The following DAB2IP variants were observed in gnomAD, a reference collection of about 807,000 sequenced individuals.
DAB2IP encodes DAB2 interacting protein, also known as disabled homolog 2-interacting protein.
A neutral mutation model predicts 107.2 loss-of-function variants in DAB2IP; 28 were observed. That is an observed-to-expected ratio of 0.26 (90% confidence interval 0.19 to 0.36). The LOEUF (loss-of-function observed/expected upper bound fraction) is 0.36, where lower values mean the gene tolerates loss of function less well. Ranked by LOEUF, DAB2IP falls within the 10% of genes least tolerant of loss-of-function variation. The probability of loss-of-function intolerance (pLI) is 1.00; values close to 1 mark genes in which losing one functional copy is unlikely to be tolerated. For missense variants in DAB2IP, 1,400 were observed against 1,644.7 expected, an observed-to-expected ratio of 0.85 and a Z score of 2.57; for synonymous variants, 755 against 706.4, an observed-to-expected ratio of 1.07 and a Z score of -1.09.
At chr9:121,695,800 T>A (rs1467162674) in intron 2 of DAB2IP, among the ~76,000 whole-genome samples, 2 of 152,252 alleles carry the variant, frequency 1.3e-5, no homozygotes, top group African/African-American at 2.4e-5. Flanking sequence ...GAATTGCACA[T>A]GGCTTTTGTT....
intron 1 of DAB2IP, among the ~76,000 whole-genome samples, chr9:121,658,530 A>G: frequency 6.6e-6 from 1 of 152,124 alleles, no homozygotes; most frequent in Admixed American, 6.5e-5. Flanking sequence ...GAGGCATTTC[A>G]GCGTTTGTTC....
At position 121,634,116 on chromosome 9, in the gene DAB2IP, G is replaced by T. The variant is rs1392390574; in HGVS notation, c.41-44562G>T. Among the ~76,000 whole-genome samples the T allele has an allele frequency of 1.3e-5, 2 of 152,122 alleles. No homozygotes were observed. Among genetic ancestry groups the T allele is most frequent in the Non-Finnish European group, 2.9e-5 (2 of 68,036 alleles). ...GTCAGAGCCCTCTCAGGACACAAAG[G>T]GACACAGTTCTTGAAGGGTCCTCCA... On this transcript the variant is annotated intron_variant, in intron 1 of 16. Transcript: ENST00000259371. The surrounding 1 kb of genome is among the most constrained non-coding windows in gnomAD (Gnocchi z 4.7).
intron 3 of DAB2IP, among the ~76,000 whole-genome samples, chr9:121,728,407 A>G (rs1831349260): frequency 6.6e-6 from 1 of 152,194 alleles, no homozygotes; most frequent in African/African-American, 2.4e-5. Flanking sequence ...TCCAAGTTTG[A>G]GTCCCGTTCC....
intron 1 of DAB2IP, among the ~76,000 whole-genome samples, chr9:121,572,452 G>T (rs1184307341): frequency 6.6e-6 from 1 of 152,202 alleles, no homozygotes; most frequent in Non-Finnish European, 1.5e-5. Flanking sequence ...GTGAATTAAT[G>T]AGTGGCATGA....
rs941385417 is a variant in DAB2IP, at chr9:121,626,715, C to T, written c.41-51963C>T. 5.9e-5 allele frequency among the ~76,000 whole-genome samples: 9 copies of T among 152,204 alleles called. No individual in the cohort carries two copies. The South Asian group carries it at 1.5e-3, about 25-fold the overall frequency. On this transcript the variant is annotated intron_variant, in intron 1 of 16. Coordinates refer to the DAB2IP transcript ENST00000259371. The stretch of plus-strand genomic sequence containing the variant: ...CTGGGATTACAGGTGTGAGCCACCG[C>T]GCCCAGCCAGAAGAGAAACCTTGAC...
At position 121,635,055 on chromosome 9, in the gene DAB2IP, C is replaced by T. The variant is rs1035961797; in HGVS notation, c.41-43623C>T. ...GCGCGTGCGTGTGTATGTGTGTGTG[C>T]ATGTGCGTGTATGTCTATGTGCGAA... On this transcript the variant is annotated intron_variant, in intron 1 of 16. Coordinates refer to the DAB2IP transcript ENST00000259371. The surrounding 1 kb of genome is among the most constrained non-coding windows in gnomAD (Gnocchi z 4.3). 1.3e-5 allele frequency among the ~76,000 whole-genome samples: 2 copies of T among 152,062 alleles called. No individual in the cohort carries two copies. Among genetic ancestry groups the T allele is most frequent in the Non-Finnish European group, 2.9e-5 (2 of 68,018 alleles).
chr9:121,570,748 A>G lies in DAB2IP; in HGVS notation c.40+3520A>G, dbSNP rs190303803. Among the ~76,000 whole-genome samples the G allele has an allele frequency of 1.9e-4, 29 of 152,084 alleles. No homozygotes were observed. In the East Asian group the frequency reaches 4.9e-3, roughly 25 times the overall value. On this transcript the variant is annotated intron_variant, in intron 1 of 16. Transcript: ENST00000259371. ...TTTTTTGTAGAGACAGGGTTTGCCC[A>G]CGTTGCCCAGGCTGGTCTCAAACTC...
At chr9:121,601,302 C>A (rs979034123) in intron 1 of DAB2IP, among the ~76,000 whole-genome samples, 1 of 152,172 alleles carries the variant, frequency 6.6e-6, no homozygotes, top group African/African-American at 2.4e-5. Flanking sequence ...CCCTCCTATC[C>A]CCGCATTCTT....
At chr9:121,708,549 G>T (rs1311911549) in intron 3 of DAB2IP, among the ~76,000 whole-genome samples, 1 of 152,182 alleles carries the variant, frequency 6.6e-6, no homozygotes, top group African/African-American at 2.4e-5. Flanking sequence ...GGTGGGTGAC[G>T]CTCAGAGAGG....
At chr9:121,624,098 C>T (rs1309153941) in intron 1 of DAB2IP, among the ~76,000 whole-genome samples, 1 of 152,256 alleles carries the variant, frequency 6.6e-6, no homozygotes, top group Non-Finnish European at 1.5e-5. Context: ...ATTCACTCCT[C>T]TCCTAGTGCC....
At position 121,633,226 on chromosome 9, in the gene DAB2IP, A is replaced by G. The variant is rs1831958363; in HGVS notation, c.41-45452A>G. 6.6e-6 allele frequency among the ~76,000 whole-genome samples: 1 copy of G among 152,186 alleles called. No homozygotes were observed. ...GAAGGTTTGACATGAACAATACAAT[A>G]AACGCAGCTTCTAAATTGGGTCAGG... On this transcript the variant is annotated intron_variant, in intron 1 of 16. Coordinates refer to the DAB2IP transcript ENST00000259371. This position sits in a 1 kb window ranked among gnomAD's most constrained non-coding sequence, Gnocchi z 5.1.
chr9:121,695,509 C>T (rs888668928), intron 2 of DAB2IP, among the ~76,000 whole-genome samples: 1 of 152,202 alleles, frequency 6.6e-6, no homozygotes, highest in Non-Finnish European at 1.5e-5. Context: ...GTCCAGTAAT[C>T]GGCCCACAGC....
rs183388383 is a variant in DAB2IP at position 121,723,530 on chromosome 9, G to T, written c.362+24072G>T. On this transcript the variant is annotated intron_variant, in intron 3 of 15. Coordinates refer to ENST00000408936, the Ensembl canonical transcript of DAB2IP. ...AGGGAGGAGTGTGGTCTGGGCTCAG[G>T]GGAGCCCTGGAGGAAGTGGATTGTA... Among the ~76,000 whole-genome samples the T allele has an allele frequency of 1.8e-4, 28 of 152,356 alleles. No homozygotes were observed. In the East Asian group the frequency reaches 5.4e-3, roughly 29 times the overall value.
chr9:121,766,352 G>C, intron 8 of DAB2IP, 142 bp from the exon 9 acceptor site: 2 of 731,574 alleles, frequency 2.7e-6, no homozygotes, highest in Non-Finnish European at 4.5e-6. Flanking sequence ...AGATGGCTGT[G>C]TCCTCAGAGC....
chr9:121,736,436 A>G lies in DAB2IP; in HGVS notation c.363-20577A>G, dbSNP rs1235189831. ...CGCGTCCCGCCCGCCCGGCGTGCCG[A>G]AGCGCAGCGGCGGGTCGCTAGCGGG... On this transcript the variant is annotated intron_variant, in intron 3 of 15. Transcript: ENST00000408936. The surrounding 1 kb of genome is among the most constrained non-coding windows in gnomAD (Gnocchi z 4.6). Among the ~76,000 whole-genome samples the G allele has an allele frequency of 1.3e-5, 2 of 152,088 alleles. No homozygotes were observed. The highest frequency in any genetic ancestry group is 2.9e-5 in the Non-Finnish European group (2 of 67,996).
At position 121,702,085 on chromosome 9, in the gene DAB2IP, C is replaced by T. The variant is rs1360129762; in HGVS notation, c.362+2627C>T. Among the ~76,000 whole-genome samples the T allele has an allele frequency of 6.6e-6, 1 of 151,812 alleles. No individual in the cohort carries two copies. The highest frequency in any genetic ancestry group is 2.4e-5 in the African/African-American group (1 of 41,296). On this transcript the variant is annotated intron_variant, in intron 3 of 15. Transcript: ENST00000408936. The surrounding 1 kb of genome is among the most constrained non-coding windows in gnomAD (Gnocchi z 4.5). ...CCGTGTAGATGAGCGGCACAGGGCA[C>T]TCTGGGGCGGCCACTTGAGTTCTGA...
At chr9:121,678,316 A>T (rs1828385727) in intron 1 of DAB2IP, among the ~76,000 whole-genome samples, 1 of 152,204 alleles carries the variant, frequency 6.6e-6, no homozygotes, top group South Asian at 2.1e-4. Flanking sequence ...CTTAAATCAG[A>T]ACTTCATTCC....
intron 1 of DAB2IP, among the ~76,000 whole-genome samples, chr9:121,621,736 A>G (rs1001131830): frequency 6.6e-6 from 1 of 150,508 alleles, no homozygotes; most frequent in African/African-American, 2.4e-5. Context: ...CCCAGGTTCA[A>G]GCATTTTTCA....
chr9:121,613,180 G>C (rs988635227), intron 1 of DAB2IP, among the ~76,000 whole-genome samples: 8 of 152,188 alleles, frequency 5.3e-5, no homozygotes, highest in African/African-American at 1.9e-4. Flanking sequence ...TTGAGGCTTC[G>C]GTGAGGTAAT....
Sources: gnomAD v4.1 joint callset for allele counts (sites outside exome capture counted in the v4.1 genomes callset) on GRCh38, gnomAD v4.1.1 for gene constraint, Gnocchi (gnomAD v3.1) non-coding constraint, MANE v1.5 for transcripts, NCBI Gene and HGNC (gene_info 2026-07-23, HGNC 2026-07-21) for gene names.